The following DIAPH2 variants were observed in gnomAD, a reference collection of about 807,000 sequenced individuals.
DIAPH2 encodes diaphanous related formin 2.
Under a neutral mutation model 92.7 loss-of-function variants are expected in DIAPH2, and 35 were observed. The observed-to-expected ratio is 0.38, with a 90% CI of 0.29 to 0.50. The LOEUF (loss-of-function observed/expected upper bound fraction) is 0.50, where lower values mean the gene tolerates loss of function less well. DIAPH2 is among the 20% of genes least tolerant of loss of function. DIAPH2 has a pLI of 0.94. For synonymous variants in DIAPH2, 301 were observed against 280.4 expected (o/e 1.07, Z -0.73); for missense variants, 701 against 819.5 (o/e 0.86, Z 1.77).
chrX:97,516,058 C>T (rs1458899314), intron 26 of DIAPH2, among the ~76,000 whole-genome samples: 1 of 110,449 alleles, frequency 9.1e-6, no homozygotes, highest in African/African-American at 3.3e-5. Context: ...TCGAGATCAG[C>T]CTGGCCAGTA....
chrX:96,800,019 G>C (rs1227196122), intron 4 of DIAPH2, among the ~76,000 whole-genome samples: 2 of 110,887 alleles, frequency 1.8e-5, no homozygotes, highest in Non-Finnish European at 3.8e-5. Context: ...TCTGTTTCAA[G>C]TAAAAGAAAA....
intron 22 of DIAPH2, among the ~76,000 whole-genome samples, chrX:97,203,253 T>G (rs1244753604): frequency 9.1e-6 from 1 of 110,390 alleles, no homozygotes; most frequent in African/African-American, 3.3e-5. Context: ...ACATCACAAT[T>G]AAAAGAACTA....
chrX:97,369,925 G>T (rs992893831), intron 24 of DIAPH2, among the ~76,000 whole-genome samples: 5 of 111,385 alleles, frequency 4.5e-5, no homozygotes, highest in Non-Finnish European at 3.8e-5. Flanking sequence ...AAAATAATAA[G>T]AACTAGACTT....
intron 5 of DIAPH2, among the ~76,000 whole-genome samples, chrX:96,889,311 A>C (rs1298826948): frequency 9.0e-6 from 1 of 111,455 alleles, no homozygotes; most frequent in African/African-American, 3.3e-5. Flanking sequence ...ATATCAGTGT[A>C]TTGAAAAGCC....
chrX:97,160,909 G>A (rs1330487585), intron 22 of DIAPH2, among the ~76,000 whole-genome samples: 15 of 111,555 alleles, frequency 1.3e-4, no homozygotes, highest in African/African-American at 4.6e-4. Flanking sequence ...TGTAAATGGA[G>A]CAGACTTTAA....
In DIAPH2 at chrX:97,073,046, T is replaced by C. The variant is rs775434126; in HGVS notation, c.2152+4T>C. On this transcript the variant is annotated splice_donor_region_variant and intron_variant, in intron 18 of 26. Coordinates refer to ENST00000324765, the MANE Select transcript of DIAPH2 (RefSeq NM_006729.5). ...CCCAAAACAGCTCAGAATCTGTGTA[T>C]GTAATATTTTCTTCGTAGGATTGGT... 4.3e-6 allele frequency: 5 copies of C among 1,153,723 alleles called. No individual in the cohort carries two copies. In the African/African-American group the frequency reaches 7.2e-5, roughly 17 times the overall value.
chrX:97,106,715 C>T (rs909090682), intron 20 of DIAPH2, among the ~76,000 whole-genome samples: 1 of 110,554 alleles, frequency 9.0e-6, no homozygotes, highest in Non-Finnish European at 1.9e-5. Flanking sequence ...GGGTGGATCA[C>T]GAGATCAGGA....
At chrX:96,776,715 T>C (rs753264015) in intron 4 of DIAPH2, among the ~76,000 whole-genome samples, 7 of 110,213 alleles carry the variant, frequency 6.4e-5, no homozygotes, top group African/African-American at 2.3e-4. Context: ...TCCTCCTAAG[T>C]TTACTAAATA....
At chrX:97,262,838 G>A (rs1013871453) in intron 23 of DIAPH2, among the ~76,000 whole-genome samples, 1 of 111,923 alleles carries the variant, frequency 8.9e-6, no homozygotes, top group African/African-American at 3.3e-5. Flanking sequence ...CAAGGACTCA[G>A]GTCTGGAGTA....
At chrX:96,686,658 T>G (rs1240090917) in intron 1 of DIAPH2, among the ~76,000 whole-genome samples, 1 of 111,556 alleles carries the variant, frequency 9.0e-6, no homozygotes, top group East Asian at 2.8e-4. Flanking sequence ...TGAATTTTCT[T>G]TTTTTGCTCA....
At chrX:97,498,316 C>T (rs949958396) in intron 26 of DIAPH2, among the ~76,000 whole-genome samples, 2 of 112,111 alleles carry the variant, frequency 1.8e-5, no homozygotes, top group African/African-American at 6.5e-5. Flanking sequence ...CATCCTCTCT[C>T]TCTTAGCTTC....
At chrX:97,218,093 CT>C (rs765085038) in intron 22 of DIAPH2, among the ~76,000 whole-genome samples, 196 of 102,302 alleles carry the variant, frequency 1.9e-3, no homozygotes, top group African/African-American at 3.1e-3. Flanking sequence ...ACATGCTTTT[CT>C]TTTTTTTTTT....
chrX:97,067,562 A>G (rs1032509046), intron 17 of DIAPH2, among the ~76,000 whole-genome samples: 1 of 111,811 alleles, frequency 8.9e-6, no homozygotes, highest in Non-Finnish European at 1.9e-5. Flanking sequence ...CCAGCATTAG[A>G]TTCCTCCTCT....
intron 1 of DIAPH2, among the ~76,000 whole-genome samples, chrX:96,703,019 A>G (rs768086636): frequency 4.7e-4 from 53 of 111,758 alleles, no homozygotes; most frequent in Non-Finnish European, 7.7e-4. Flanking sequence ...GGGGAAACAG[A>G]CATTCAGTCC....
At chrX:97,404,958 T>C (rs2069794999) in intron 25 of DIAPH2, among the ~76,000 whole-genome samples, 1 of 112,215 alleles carries the variant, frequency 8.9e-6, no homozygotes, top group African/African-American at 3.2e-5. Context: ...GTGCTTACGA[T>C]AGAAAAAAAT....
intron 5 of DIAPH2, among the ~76,000 whole-genome samples, chrX:96,911,914 A>G (rs1467148548): frequency 8.9e-6 from 1 of 111,840 alleles, no homozygotes; most frequent in African/African-American, 3.2e-5. Context: ...TGCAAAGGTG[A>G]AAGAAATGGG....
chrX:97,005,517 G>C (rs2066174716), intron 17 of DIAPH2, among the ~76,000 whole-genome samples: 1 of 110,985 alleles, frequency 9.0e-6, no homozygotes, highest in South Asian at 3.7e-4. Flanking sequence ...TTCAATCTTG[G>C]TAGGTTGTAT....
chrX:96,773,842 G>A (rs1172622089), intron 4 of DIAPH2, among the ~76,000 whole-genome samples: 1 of 111,028 alleles, frequency 9.0e-6, no homozygotes, highest in African/African-American at 3.3e-5. Context: ...GTAAGACTCT[G>A]TCTCAAAAAA....
At chrX:96,765,017 G>A (rs2064292893) in intron 4 of DIAPH2, among the ~76,000 whole-genome samples, 1 of 110,637 alleles carries the variant, frequency 9.0e-6, no homozygotes, top group South Asian at 3.8e-4. Flanking sequence ...TGTGATTGCT[G>A]TAGCCTACCA....
Sources: gnomAD v4.1 joint callset for allele counts (sites outside exome capture counted in the v4.1 genomes callset) on GRCh38, gnomAD v4.1.1 for gene constraint, MANE v1.5 for transcripts, NCBI Gene and HGNC (gene_info 2026-07-23, HGNC 2026-07-21) for gene names.